The following TEC variants were observed in gnomAD, a reference collection of about 807,000 sequenced individuals.
TEC encodes the protein tec protein tyrosine kinase.
Under a neutral mutation model 93.0 loss-of-function variants are expected in TEC, and 72 were observed. The observed-to-expected ratio is 0.77, with a 90% CI of 0.64 to 0.94. The LOEUF (loss-of-function observed/expected upper bound fraction) is 0.94, where lower values mean the gene tolerates loss of function less well. Among genes scored for constraint, TEC ranks in the 40% least tolerant of loss-of-function variants. The pLI is 0.00. For synonymous variants in TEC, 249 were observed against 247.7 expected (o/e 1.01, Z -0.05); for missense variants, 630 against 757.9 (o/e 0.83, Z 1.98).
At chr4:48,191,160 A>G (rs1722081530) in intron 2 of TEC, among the ~76,000 whole-genome samples, 1 of 152,198 alleles carries the variant, frequency 6.6e-6, no homozygotes, top group Non-Finnish European at 1.5e-5. Context: ...TTAGATTAAC[A>G]TAACCTATCT....
At chr4:48,260,181 G>A (rs1485754383) in intron 1 of TEC, among the ~76,000 whole-genome samples, 1 of 152,082 alleles carries the variant, frequency 6.6e-6, no homozygotes, top group Non-Finnish European at 1.5e-5. Context: ...GGCTCTTCTT[G>A]TCCTCACATA....
At chr4:48,251,288 T>A (rs1277234314) in intron 1 of TEC, among the ~76,000 whole-genome samples, 2 of 152,154 alleles carry the variant, frequency 1.3e-5, no homozygotes, top group East Asian at 1.9e-4. Flanking sequence ...CACATAATGT[T>A]CTCTCTACCT....
intron 2 of TEC, among the ~76,000 whole-genome samples, chr4:48,181,174 C>T (rs1041260445): frequency 6.6e-6 from 1 of 152,032 alleles, no homozygotes; most frequent in Non-Finnish European, 1.5e-5. Flanking sequence ...ATTGAACAAC[C>T]AGGTGAAAGT....
At chr4:48,205,835 C>A (rs1018534254) in intron 2 of TEC, among the ~76,000 whole-genome samples, 31 of 152,190 alleles carry the variant, frequency 2.0e-4, no homozygotes, top group African/African-American at 7.2e-4. Context: ...CAATTCAGCT[C>A]CTATATCCCA....
chr4:48,186,032 A>G (rs1400899810), intron 2 of TEC, among the ~76,000 whole-genome samples: 1 of 151,962 alleles, frequency 6.6e-6, no homozygotes, highest in African/African-American at 2.4e-5. Flanking sequence ...TGGTTTTTGC[A>G]TTTTTTGGTG....
At position 48,162,679 on chromosome 4, in the gene TEC, G is replaced by C. The variant is rs1720721202; in HGVS notation, c.737+1023C>G. Among the ~76,000 whole-genome samples, 3 of 152,166 alleles carry C rather than the reference G, an allele frequency of 2.0e-5. No individual in the cohort carries two copies. In the South Asian group the frequency reaches 6.2e-4, roughly 31 times the overall value. ...AGAGATCACATCCACTGAGCGCTGT[G>C]GCTTTTTGAACTTGTTAACCCTTTC... is the stretch of plus-strand genomic sequence containing the variant. On this transcript the variant is annotated intron_variant, in intron 8 of 17. Coordinates refer to ENST00000381501, the MANE Select transcript of TEC (RefSeq NM_003215.3).
intron 2 of TEC, among the ~76,000 whole-genome samples, chr4:48,207,618 CA>C (rs34141042): frequency 0.15 from 14,966 of 102,334 alleles, 1,039 homozygotes; most frequent in East Asian, 0.34. Context: ...CATGTCTCTA[CA>C]AAAAAAAAAA....
At chr4:48,145,381 T>C in intron 13 of TEC, 27 bp downstream of exon 13, 1 of 1,613,220 alleles carries the variant, frequency 6.2e-7, no homozygotes. Context: ...TACAAAAAGA[T>C]GAGCCAGAAA....
chr4:48,224,058 C>T (rs537178797), intron 2 of TEC, among the ~76,000 whole-genome samples: 157 of 152,256 alleles, frequency 1.0e-3, no homozygotes, highest in South Asian at 3.5e-3. Context: ...TGTATCGTTT[C>T]GCTGTAATAA....
intron 1 of TEC, among the ~76,000 whole-genome samples, chr4:48,263,539 C>A (rs1724551598): frequency 6.6e-6 from 1 of 152,138 alleles, no homozygotes; most frequent in Non-Finnish European, 1.5e-5. Context: ...CATGGTGAAA[C>A]CCTGTCTCTA....
Position 48,168,457 on chromosome 4 carries a change from ATC to A in TEC, c.495+127_495+128del. The A allele has an allele frequency of 1.9e-5, 18 of 949,888 alleles. 2 individuals carry two copies. In the South Asian group the frequency reaches 2.7e-4, roughly 14 times the overall value. 58.8% of individuals were successfully genotyped at this position (949,888 alleles called of 1,614,324 possible). ...CTACAGCACATCTGCTTCTGAGACGATCCTAGGGAAAAATTGTGTCACATCAA... is the reference window on the plus strand; with the variant it reads ...CTACAGCACATCTGCTTCTGAGACGACTAGGGAAAAATTGTGTCACATCAA... On this transcript the variant is annotated intron_variant, in intron 6 of 17. Transcript: ENST00000381501.
rs1208032605 is a variant in TEC, at chr4:48,149,457, GAACT to G, written c.1006+96_1006+99del. ...TTTAAAATCAACCACATTCTACAATGAACTAACTATAAAATAAAACTGCTCAAGG... is the reference window on the plus strand; with the variant it reads ...TTTAAAATCAACCACATTCTACAATGAACTATAAAATAAAACTGCTCAAGG... On this transcript the variant is annotated intron_variant, in intron 11 of 17. Transcript: ENST00000381501. The G allele has an allele frequency of 7.5e-6, 9 of 1,205,014 alleles. No homozygotes were observed. The African/African-American group carries it at 1.2e-4, about 17-fold the overall frequency. The allele number at this position is 1,205,014 out of a possible 1,614,324, so 74.6% of individuals were successfully genotyped here. A position where few individuals can be genotyped will look rare whatever the true frequency, so the allele number is the denominator to read the frequency against.
intron 1 of TEC, among the ~76,000 whole-genome samples, chr4:48,250,387 T>C (rs986554048): frequency 1.3e-5 from 2 of 152,230 alleles, no homozygotes; most frequent in African/African-American, 4.8e-5. Context: ...ATTGGAATAA[T>C]GGCCCCAATT....
intron 1 of TEC, among the ~76,000 whole-genome samples, chr4:48,249,320 A>G (rs1724141130): frequency 6.6e-6 from 1 of 152,224 alleles, no homozygotes; most frequent in Non-Finnish European, 1.5e-5. Context: ...AGAAATAGGA[A>G]TAAAGTACAG....
chr4:48,148,865 C>T (rs768262185), intron 11 of TEC, among the ~76,000 whole-genome samples: 6 of 152,120 alleles, frequency 3.9e-5, no homozygotes, highest in Non-Finnish European at 5.9e-5. Flanking sequence ...TGTTGTTCCC[C>T]TCTATGTGTC....
intron 9 of TEC, among the ~76,000 whole-genome samples, chr4:48,155,212 T>C (rs763998798): frequency 5.6e-4 from 85 of 152,346 alleles, no homozygotes; most frequent in Non-Finnish European, 1.1e-3. Context: ...TTTATGGGAA[T>C]GAACATTGTA....
intron 1 of TEC, among the ~76,000 whole-genome samples, chr4:48,231,336 A>C (rs896935019): frequency 2.6e-5 from 4 of 152,208 alleles, no homozygotes; most frequent in Non-Finnish European, 1.5e-5. Context: ...GGTCTTCCTT[A>C]TTCCATATTA....
intron 1 of TEC, among the ~76,000 whole-genome samples, chr4:48,232,399 T>C (rs981759263): frequency 6.6e-6 from 1 of 152,194 alleles, no homozygotes; most frequent in Admixed American, 6.5e-5. Flanking sequence ...TTAGTCACCA[T>C]CTATCTCCCT....
chr4:48,172,924 G>C (rs2109550699), intron 3 of TEC, among the ~76,000 whole-genome samples: 1 of 152,226 alleles, frequency 6.6e-6, no homozygotes, highest in African/African-American at 2.4e-5. Context: ...TGAGATGTCT[G>C]GAAAAGACTG....
Sources: allele counts gnomAD v4.1 joint callset (sites outside exome capture counted in the v4.1 genomes callset), GRCh38; gene constraint gnomAD v4.1.1; transcripts MANE v1.5; gene names NCBI Gene and HGNC (gene_info 2026-07-23, HGNC 2026-07-21).